VSIG10: variants seen among roughly 807,000 people sequenced by gnomAD.
VSIG10 encodes the protein V-set and immunoglobulin domain-containing protein 10.
VSIG10 carries 48 observed loss-of-function variants against 58.7 expected under a neutral mutation model. The ratio of observed to expected loss-of-function variants is 0.82; its 90% confidence interval spans 0.65 to 1.04. The LOEUF (loss-of-function observed/expected upper bound fraction) is 1.04, where lower values mean the gene tolerates loss of function less well. VSIG10 is among the 50% of genes least tolerant of loss of function. VSIG10 has a pLI of 0.00. For synonymous variants in VSIG10, 260 were observed against 267.1 expected (o/e 0.97, Z 0.26); for missense variants, 628 against 670.0 (o/e 0.94, Z 0.69).
Position 118,095,571 on chromosome 12 carries a change from T to C in VSIG10, c.323A>G (p.Asn108Ser). 4 of 1,613,972 alleles carry C rather than the reference T, an allele frequency of 2.5e-6. No individual in the cohort carries two copies. Among genetic ancestry groups the C allele is most frequent in the Non-Finnish European group, 2.5e-6 (3 of 1,179,886 alleles). Residue 108 changes from asparagine to serine, a missense_variant, in exon 2 of 9, where the codon AAT (asparagine) becomes AGT (serine). Coordinates refer to ENST00000359236, the MANE Select transcript of VSIG10 (RefSeq NM_019086.6). ...EGIYTCQEIL[N>S]VTQWFQVWLQ... is the part of the protein sequence containing the mutation. ...CCACACTTGGAACCACTGAGTCACA[T>C]TCAGGATCTCCTGGCAGGTGTAGAT...
intron 7 of VSIG10, among the ~76,000 whole-genome samples, chr12:118,068,804 A>G (rs1187597243): frequency 6.6e-6 from 1 of 151,900 alleles, no homozygotes; most frequent in African/African-American, 2.4e-5. Flanking sequence ...CTGGTTTATT[A>G]CTCCCCTGCT....
intron 2 of VSIG10, among the ~76,000 whole-genome samples, chr12:118,090,598 C>A (rs746068895): frequency 6.6e-6 from 1 of 152,192 alleles, no homozygotes; most frequent in African/African-American, 2.4e-5. Context: ...TCTGTGAATG[C>A]ACCACACTCA....
intron 5 of VSIG10, 140 bp downstream of exon 5, chr12:118,073,559 C>T: frequency 1.0e-6 from 1 of 982,506 alleles, no homozygotes; most frequent in Non-Finnish European, 1.5e-6. Flanking sequence ...GCCACCTTGT[C>T]AAGTCATAAG....
chr12:118,079,745 C>T, intron 3 of VSIG10, 139 bp from the exon 4 acceptor site: 1 of 1,216,120 alleles, frequency 8.2e-7, no homozygotes, highest in East Asian at 2.4e-5. Context: ...GCTCCTAGCA[C>T]AAATTCATGC....
chr12:118,074,768 C>T lies in VSIG10; in HGVS notation c.926-776G>A, dbSNP rs559223925. 5.3e-5 allele frequency among the ~76,000 whole-genome samples: 8 copies of T among 152,290 alleles called. No homozygotes were observed. The South Asian group carries it at 1.0e-3, about 20-fold the overall frequency. The stretch of plus-strand genomic sequence containing the variant: ...TGCTAGGATTACAGGCGTGAGCCAC[C>T]GTGCCGGGCCAATTCATAAATTTTT... On this transcript the variant is annotated intron_variant, in intron 4 of 8. Coordinates refer to ENST00000359236, the MANE Select transcript of VSIG10 (RefSeq NM_019086.6).
At chr12:118,103,499 C>T (rs1380069101) in intron 1 of VSIG10, 94 bp downstream of exon 1, 12 of 1,287,158 alleles carry the variant, frequency 9.3e-6, no homozygotes, top group Admixed American at 3.1e-5. Context: ...ACCACGGATC[C>T]GGGCGGAGTC....
chr12:118,071,122 C>T, intron 6 of VSIG10, 55 bp from the exon 7 acceptor site: 1 of 1,562,420 alleles, frequency 6.4e-7, no homozygotes, highest in Non-Finnish European at 8.7e-7. Context: ...TTCAACCTGA[C>T]AGGTTCTTAA....
At chr12:118,084,888 G>A (rs2033072285) in intron 2 of VSIG10, among the ~76,000 whole-genome samples, 1 of 152,092 alleles carries the variant, frequency 6.6e-6, no homozygotes, top group Non-Finnish European at 1.5e-5. Flanking sequence ...GCATGGTGGC[G>A]GGCGCCTGTA....
rs189907462 is a variant in VSIG10 at position 118,103,911 on chromosome 12, G to A, written c.-240C>T. On this transcript the variant is annotated 5_prime_UTR_variant, in exon 1 of 9. Transcript: ENST00000359236. ...AGCGCCCTGGCCGGGGAGGGAGGGCGCACCCCGCCCCCTGCGCCCGCCAGC... is the reference window on the plus strand; with the variant it reads ...AGCGCCCTGGCCGGGGAGGGAGGGCACACCCCGCCCCCTGCGCCCGCCAGC... 2.0e-4 allele frequency: 82 copies of A among 405,806 alleles called. No homozygotes were observed. Among genetic ancestry groups the A allele is most frequent in the Middle Eastern group, 1.3e-3 (2 of 1,556 alleles). The allele number at this position is 405,806 out of a possible 1,614,324, so 25.1% of individuals were successfully genotyped here. A position where few individuals can be genotyped will look rare whatever the true frequency, so the allele number is the denominator to read the frequency against.
At chr12:118,103,366 A>C (rs982888813) in intron 1 of VSIG10, among the ~76,000 whole-genome samples, 2 of 150,760 alleles carry the variant, frequency 1.3e-5, no homozygotes, top group African/African-American at 2.4e-5. Flanking sequence ...CCGGCTGCCC[A>C]CCCCAGGAGG....
Position 118,073,985 on chromosome 12 carries a change from G to A in VSIG10, c.933C>T (p.Pro311=), listed in dbSNP as rs2137860128. Residue 311 remains proline, a synonymous_variant, in exon 5 of 9, where the codon CCC becomes CCT. Transcript: ENST00000359236. The part of the protein sequence containing the change: ...GASCMVQIRG[P]SLLSEPMKTC... ...TCTTCATGGGCTCAGAGAGAAGGGA[G>A]GGACCCCCTGGTGATCAGAAGGTAA... 6.4e-7 allele frequency: 1 copy of A among 1,551,206 alleles called. No individual in the cohort carries two copies. Among genetic ancestry groups the A allele is most frequent in the Non-Finnish European group, 8.7e-7 (1 of 1,147,808 alleles).
chr12:118,080,020 G>C (rs1259925988), intron 3 of VSIG10, among the ~76,000 whole-genome samples: 1 of 152,174 alleles, frequency 6.6e-6, no homozygotes, highest in African/African-American at 2.4e-5. Context: ...TTTTAGTAGA[G>C]ACAAGGTTTT....
rs2032861405 is a variant in VSIG10, at chr12:118,079,455, C to G, written c.816G>C (p.Leu272=). ...PGGVIVGKSK[L]GVEMLSESQL... Reference sequence around the variant, plus strand: ...GGGACTCGCTCAGCATTTCCACCCCCAGCTTTGACTTCCCCACGATTACAC... The same window carrying G: ...GGGACTCGCTCAGCATTTCCACCCCGAGCTTTGACTTCCCCACGATTACAC... Residue 272 remains leucine, a synonymous_variant, in exon 4 of 9, where the codon CTG becomes CTC. Transcript: ENST00000359236. The G allele has an allele frequency of 6.2e-7, 1 of 1,613,904 alleles. No individual in the cohort carries two copies.
chr12:118,103,477 T>A, intron 1 of VSIG10, 116 bp downstream of exon 1: 1 of 1,104,518 alleles, frequency 9.1e-7, no homozygotes, highest in Non-Finnish European at 1.2e-6. Flanking sequence ...GGGCAGCTTC[T>A]AGGCTGGGGC....
intron 7 of VSIG10, among the ~76,000 whole-genome samples, chr12:118,069,425 C>CTTTTTTTT (rs34116504): frequency 9.5e-6 from 1 of 105,080 alleles, no homozygotes; most frequent in Non-Finnish European, 1.8e-5. Flanking sequence ...TCTTCTTCTT[C>CTTTTTTTT]TTTTTTTTTT....
rs564628404 is a variant in VSIG10, at chr12:118,072,413, C to T, written c.1220-944G>A. Among the ~76,000 whole-genome samples the T allele has an allele frequency of 3.2e-4, 48 of 148,688 alleles. 1 individual carries two copies. The highest frequency in any genetic ancestry group is 3.0e-3 in the Admixed American group (45 of 14,788). ...CCAGGAGGTGGAGCTTGCAGTGAGCCGAGATCGCACCACTGCACTCCAGCC... is the reference window on the plus strand; with the variant it reads ...CCAGGAGGTGGAGCTTGCAGTGAGCTGAGATCGCACCACTGCACTCCAGCC... On this transcript the variant is annotated intron_variant, in intron 5 of 8. Transcript: ENST00000359236.
At chr12:118,096,497 G>C (rs1238018180) in intron 1 of VSIG10, among the ~76,000 whole-genome samples, 1 of 150,596 alleles carries the variant, frequency 6.6e-6, no homozygotes, top group East Asian at 2.0e-4. Flanking sequence ...AGAATCGCTT[G>C]AACCTGGGAA....
At position 118,066,282 on chromosome 12, in the gene VSIG10, G is replaced by T; in HGVS notation, c.*357C>A. 1 of 187,116 alleles carries T rather than the reference G, an allele frequency of 5.3e-6. No individual in the cohort carries two copies. Among genetic ancestry groups the T allele is most frequent in the South Asian group, 1.4e-4 (1 of 7,016 alleles). 11.6% of individuals were successfully genotyped at this position (187,116 alleles called of 1,614,324 possible). A position where few individuals can be genotyped will look rare whatever the true frequency, so the allele number is the denominator to read the frequency against. On this transcript the variant is annotated 3_prime_UTR_variant, in exon 9 of 9. Transcript: ENST00000359236. ...AAAAAAAAAAAAAAAGCGGCAAAAG[G>T]CACCAAGACCCAGTGCTTCCCTGAC... is the stretch of plus-strand genomic sequence containing the variant.
In VSIG10 at chr12:118,071,528, CA is replaced by C. The variant is rs1244273675; in HGVS notation, c.1220-60del. The C allele has an allele frequency of 3.4e-6, 5 of 1,475,594 alleles. No homozygotes were observed. The African/African-American group carries it at 6.9e-5, about 20-fold the overall frequency. The allele number at this position is 1,475,594 out of a possible 1,614,324, so 91.4% of individuals were successfully genotyped here. ...TCAGATATGTGTGCAATTAGAACAA[CA>C]CCTCCCTTTCTCTGCGTGGATCCAG... On this transcript the variant is annotated intron_variant, in intron 5 of 8. Transcript: ENST00000359236.
Sources: allele counts gnomAD v4.1 joint callset (sites outside exome capture counted in the v4.1 genomes callset), GRCh38; gene constraint gnomAD v4.1.1; transcripts MANE v1.5; gene names NCBI Gene and HGNC (gene_info 2026-07-23, HGNC 2026-07-21).